The following LGR5 variants were observed in gnomAD, a reference collection of about 807,000 sequenced individuals.
LGR5 encodes leucine-rich repeat-containing G protein-coupled receptor 5.
LGR5 carries 54 observed loss-of-function variants against 76.7 expected under a neutral mutation model. The ratio of observed to expected loss-of-function variants is 0.70; its 90% CI spans 0.57 to 0.88. The LOEUF is 0.88. Ranked by LOEUF, LGR5 falls within the 40% of genes least tolerant of loss-of-function variation. The pLI is 0.00. For synonymous variants in LGR5, 406 were observed against 421.9 expected (o/e 0.96, Z 0.46); for missense variants, 1,078 against 1,073.3 (o/e 1.00, Z -0.06).
intron 1 of LGR5, among the ~76,000 whole-genome samples, chr12:71,472,536 T>C (rs1202643192): frequency 6.6e-6 from 1 of 152,142 alleles, no homozygotes; most frequent in East Asian, 1.9e-4. Context: ...CCAATAGATA[T>C]AATAGGTTTC....
chr12:71,537,183 C>CAAA (rs35199889), intron 4 of LGR5, among the ~76,000 whole-genome samples: 129 of 111,148 alleles, frequency 1.2e-3, no homozygotes, highest in African/African-American at 4.4e-3. Context: ...TAAGAGTTGT[C>CAAA]AAAAAAAAAA....
At chr12:71,577,436 G>C (rs192263620) in intron 13 of LGR5, among the ~76,000 whole-genome samples, 2 of 152,212 alleles carry the variant, frequency 1.3e-5, no homozygotes, top group East Asian at 3.9e-4. Context: ...TTACTTGTCA[G>C]TATCCTTCCT....
At chr12:71,520,686 G>T (rs563349793) in intron 2 of LGR5, among the ~76,000 whole-genome samples, 5 of 150,858 alleles carry the variant, frequency 3.3e-5, no homozygotes, top group Admixed American at 3.3e-4. Context: ...ATGGACACAG[G>T]GAGGGGAACA....
intron 2 of LGR5, among the ~76,000 whole-genome samples, chr12:71,518,651 T>C (rs564781590): frequency 6.6e-6 from 1 of 152,314 alleles, no homozygotes; most frequent in Non-Finnish European, 1.5e-5. Flanking sequence ...ATACACACCA[T>C]GGAATATTAT....
In LGR5 at chr12:71,566,712, G is replaced by A. The variant is rs1878363927; in HGVS notation, c.998+12G>A. 1 of 1,607,004 alleles carries A rather than the reference G, an allele frequency of 6.2e-7. No individual in the cohort carries two copies. Among genetic ancestry groups the A allele is most frequent in the African/African-American group, 1.3e-5 (1 of 74,768 alleles). ...AACCTGGAGAGTCTGTAAGTACTGA[G>A]TAGACTCTTGACTTTGCCCAGAACA... On this transcript the variant is annotated intron_variant, in intron 10 of 17. Transcript: ENST00000266674.
intron 1 of LGR5, among the ~76,000 whole-genome samples, chr12:71,477,309 C>A (rs185270359): frequency 6.6e-6 from 1 of 151,912 alleles, no homozygotes; most frequent in African/African-American, 2.4e-5. Context: ...CCACACTAAA[C>A]GGTGCAAATG....
intron 2 of LGR5, among the ~76,000 whole-genome samples, chr12:71,516,326 C>T (rs1875434970): frequency 6.6e-6 from 1 of 152,028 alleles, no homozygotes; most frequent in South Asian, 2.1e-4. Context: ...AAAAAAATAA[C>T]TAAATTAGAA....
chr12:71,486,155 C>T (rs932006656), intron 1 of LGR5, among the ~76,000 whole-genome samples: 8 of 152,146 alleles, frequency 5.3e-5, no homozygotes, highest in Non-Finnish European at 1.0e-4. Context: ...TAATAATTCC[C>T]CCTTTTTGCT....
chr12:71,467,641 A>G lies in LGR5; in HGVS notation c.212+27349A>G, dbSNP rs1872919532. On this transcript the variant is annotated intron_variant, in intron 1 of 17. Transcript: ENST00000266674. ...GTAATAATTAGTAATATCAAAAAAT[A>G]TCTTAGAATGATGGTAGAGATCAAA... is the stretch of plus-strand genomic sequence containing the variant. Among the ~76,000 whole-genome samples the G allele has an allele frequency of 2.0e-5, 3 of 152,230 alleles. No individual in the cohort carries two copies. The South Asian group carries it at 6.2e-4, about 31-fold the overall frequency.
chr12:71,440,326 A>C lies in LGR5; in HGVS notation c.212+34A>C. 6.3e-7 allele frequency: 1 copy of C among 1,586,570 alleles called. No individual in the cohort carries two copies. Among genetic ancestry groups the C allele is most frequent in the Non-Finnish European group, 8.6e-7 (1 of 1,164,848 alleles). ...TTCCCCACGTCACTCCGGGAGAGAG[A>C]CTAAGAGGGGAAGGAAGGTTCGTCC... is the stretch of plus-strand genomic sequence containing the variant. On this transcript the variant is annotated intron_variant, in intron 1 of 17. Transcript: ENST00000266674. This position sits in a 1 kb window ranked among gnomAD's most constrained non-coding sequence, Gnocchi z 5.3.
At chr12:71,482,339 G>C (rs1465745822) in intron 1 of LGR5, among the ~76,000 whole-genome samples, 1 of 152,104 alleles carries the variant, frequency 6.6e-6, no homozygotes, top group Non-Finnish European at 1.5e-5. Flanking sequence ...GGAATTCCAA[G>C]ATTAAGGTGT....
intron 1 of LGR5, among the ~76,000 whole-genome samples, chr12:71,478,282 T>C (rs1873429236): frequency 6.6e-6 from 1 of 152,232 alleles, no homozygotes; most frequent in African/African-American, 2.4e-5. Flanking sequence ...CTTGTCAGCA[T>C]ATAAATGAAT....
chr12:71,571,054 C>T (rs1878588737), intron 11 of LGR5, among the ~76,000 whole-genome samples: 1 of 152,136 alleles, frequency 6.6e-6, no homozygotes, highest in Admixed American at 6.5e-5. Flanking sequence ...CGTTCCCCCA[C>T]CTCCTTCTTG....
chr12:71,567,095 T>C, intron 11 of LGR5, 183 bp downstream of exon 11: 2 of 604,856 alleles, frequency 3.3e-6, no homozygotes, highest in Non-Finnish European at 6.0e-6. Context: ...TGGTAACAAA[T>C]GGTAATGTAC....
intron 1 of LGR5, among the ~76,000 whole-genome samples, chr12:71,445,494 A>G (rs186457539): frequency 6.6e-5 from 10 of 152,342 alleles, no homozygotes; most frequent in African/African-American, 1.9e-4. Context: ...TAAATAACCA[A>G]CTACATGCCC....
intron 1 of LGR5, among the ~76,000 whole-genome samples, chr12:71,449,302 A>G (rs980319100): frequency 2.8e-4 from 42 of 152,308 alleles, no homozygotes; most frequent in African/African-American, 9.6e-4. Context: ...TGGAAAAGCT[A>G]CATTACTGTT....
chr12:71,567,652 C>T (rs950970706), intron 11 of LGR5, among the ~76,000 whole-genome samples: 1 of 152,132 alleles, frequency 6.6e-6, no homozygotes, highest in Non-Finnish European at 1.5e-5. Context: ...ATAAGCTTTA[C>T]TTAGCAGCAC....
intron 1 of LGR5, among the ~76,000 whole-genome samples, chr12:71,482,146 T>C (rs922933585): frequency 3.9e-5 from 6 of 152,206 alleles, no homozygotes; most frequent in Admixed American, 3.9e-4. Context: ...GCAAACCTAA[T>C]AGTTTTCTGT....
intron 1 of LGR5, among the ~76,000 whole-genome samples, chr12:71,467,093 G>A (rs908735521): frequency 6.6e-5 from 10 of 151,866 alleles, no homozygotes; most frequent in East Asian, 1.9e-4. Flanking sequence ...ACATCAAACC[G>A]GTGGGGTTTG....
Sources: gnomAD v4.1 joint callset for allele counts (sites outside exome capture counted in the v4.1 genomes callset) on GRCh38, gnomAD v4.1.1 for gene constraint, Gnocchi (gnomAD v3.1) non-coding constraint, MANE v1.5 for transcripts, NCBI Gene and HGNC (gene_info 2026-07-23, HGNC 2026-07-21) for gene names.